Variants in NLRP1 observed in about 807,000 individuals in gnomAD.
NLRP1 encodes the protein NLR family pyrin domain containing 1.
In NLRP1, 94 loss-of-function variants were observed where a neutral mutation model predicts 136.7. The ratio of observed to expected loss-of-function variants is 0.69; its 90% CI spans 0.58 to 0.82. The LOEUF is 0.82. Ranked by LOEUF, NLRP1 falls within the 40% of genes least tolerant of loss-of-function variation. NLRP1 has a pLI of 0.00. For missense variants in NLRP1, 1,575 were observed against 1,802.7 expected, an observed-to-expected ratio of 0.87 and a Z score of 2.29; for synonymous variants, 690 against 725.1, an observed-to-expected ratio of 0.95 and a Z score of 0.78.
In NLRP1 at chr17:5,504,013, C is replaced by T. The variant is rs1199528658; in HGVS notation, c.4070-2141G>A. The stretch of plus-strand genomic sequence containing the variant: ...GGTATTTGCCTCTGGAAGAAAGATA[C>T]ACTGTCTGAGTCAATAGGAATCAGA... On this transcript the variant is annotated intron_variant, in intron 15 of 15. Transcript: ENST00000262467. The surrounding 1 kb of genome is among the most constrained non-coding windows in gnomAD (Gnocchi z 4.4). The T allele has an allele frequency of 6.6e-6, 1 of 152,276 alleles. No individual in the cohort carries two copies. The highest frequency in any genetic ancestry group is 2.4e-5 in the African/African-American group (1 of 41,430). 9.4% of individuals were successfully genotyped at this position (152,276 alleles called of 1,614,324 possible). A position where few individuals can be genotyped will look rare whatever the true frequency, so the allele number is the denominator to read the frequency against.
At chr17:5,561,426 G>GTTTTTTTTTTTTT (rs61194384) in intron 3 of NLRP1, among the ~76,000 whole-genome samples, 5 of 50,404 alleles carry the variant, frequency 9.9e-5, no homozygotes, top group African/African-American at 4.6e-4. Context: ...ATGCCATGTG[G>GTTTTTTTTTTTTT]TTTTTTTTTT....
At position 5,556,115 on chromosome 17, in the gene NLRP1, T is replaced by TACACAC. The variant is rs59028107; in HGVS notation, c.2357+2218_2357+2223dup. ...CTGTCTCTGTCTCTGTCTCTCTCTC[T>TACACAC]ACACACACACACACACACACACACA... On this transcript the variant is annotated intron_variant, in intron 4 of 16. Transcript: ENST00000572272. Among the ~76,000 whole-genome samples, 958 of 119,044 alleles carry TACACAC rather than the reference T, an allele frequency of 8.0e-3. 11 individuals are homozygous for TACACAC. Among genetic ancestry groups the TACACAC allele is most frequent in the Middle Eastern group, 0.026 (6 of 230 alleles). 78.1% of individuals were successfully genotyped at this position (119,044 alleles called of 152,430 possible).
rs1441010444 is a variant in NLRP1 at position 5,584,184 on chromosome 17, G to C, written c.-227C>G. ...GCCCAGAGGGGCCTGCAAGACACTG[G>C]AAGAAGTCAGCTGATAGGGAGGTCC... On this transcript the variant is annotated 5_prime_UTR_variant, in exon 1 of 17. Transcript: ENST00000572272. The C allele has an allele frequency of 1.8e-6, 1 of 569,078 alleles. No individual in the cohort carries two copies. Among genetic ancestry groups the C allele is most frequent in the Non-Finnish European group, 3.1e-6 (1 of 319,128 alleles). 35.3% of individuals were successfully genotyped at this position (569,078 alleles called of 1,614,324 possible). A position where few individuals can be genotyped will look rare whatever the true frequency, so the allele number is the denominator to read the frequency against.
intron 4 of NLRP1, among the ~76,000 whole-genome samples, chr17:5,553,855 CT>C (rs71856538): frequency 0.026 from 3,680 of 144,296 alleles, 83 homozygotes; most frequent in African/African-American, 0.066. Flanking sequence ...AGACATTTGT[CT>C]TTTTTTTTTT....
At chr17:5,582,639 A>G in intron 2 of NLRP1, 31 bp downstream of exon 2, 1 of 1,608,072 alleles carries the variant, frequency 6.2e-7, no homozygotes, top group Non-Finnish European at 8.5e-7. Flanking sequence ...AGCTCCACCC[A>G]GGGCTGTCAG....
intron 3 of NLRP1, among the ~76,000 whole-genome samples, chr17:5,568,666 G>C (rs1232960558): frequency 6.6e-6 from 1 of 152,098 alleles, no homozygotes; most frequent in Non-Finnish European, 1.5e-5. Context: ...AGTCTTCACT[G>C]TCCAGGCTTA....
At chr17:5,539,891 G>C (rs1297643609) in intron 6 of NLRP1, among the ~76,000 whole-genome samples, 3 of 152,040 alleles carry the variant, frequency 2.0e-5, no homozygotes, top group African/African-American at 4.8e-5. Context: ...TGTACACCTG[G>C]GTCTATCTGT....
chr17:5,522,813 A>G (rs371154197), intron 12 of NLRP1, among the ~76,000 whole-genome samples: 2 of 152,168 alleles, frequency 1.3e-5, no homozygotes, highest in African/African-American at 4.8e-5. Context: ...CCATTGAGTG[A>G]TGCTGGAAGG....
chr17:5,542,794 C>T (rs576483834), intron 5 of NLRP1, among the ~76,000 whole-genome samples: 1 of 129,824 alleles, frequency 7.7e-6, no homozygotes, highest in Non-Finnish European at 1.6e-5. Context: ...TCCCTCCTTT[C>T]TTTCTCTCTC....
At chr17:5,571,643 A>T (rs1428763095) in intron 3 of NLRP1, among the ~76,000 whole-genome samples, 15 of 152,246 alleles carry the variant, frequency 9.9e-5, no homozygotes, top group Admixed American at 9.8e-4. Context: ...ATGAATAGGA[A>T]TAATCAATAT....
Position 5,583,588 on chromosome 17 carries a change from G to A in NLRP1, c.271+99C>T. 1 of 1,238,160 alleles carries A rather than the reference G, an allele frequency of 8.1e-7. No individual in the cohort carries two copies. Among genetic ancestry groups the A allele is most frequent in the Non-Finnish European group, 1.1e-6 (1 of 899,566 alleles). The allele number at this position is 1,238,160 out of a possible 1,614,324, so 76.7% of individuals were successfully genotyped here. A position where few individuals can be genotyped will look rare whatever the true frequency, so the allele number is the denominator to read the frequency against. On this transcript the variant is annotated intron_variant, in intron 1 of 16. Coordinates refer to ENST00000572272, the MANE Select transcript of NLRP1 (RefSeq NM_033004.4). The surrounding 1 kb of genome is among the most constrained non-coding windows in gnomAD (Gnocchi z 4.5). ...GTTCCATGTCACTGCTCAGAGGAAG[G>A]CCTGGCAGGGAGGGCTCAGTGGTGG...
intron 15 of NLRP1, chr17:5,505,910 C>A (rs1451558030): frequency 1.3e-5 from 2 of 152,306 alleles, no homozygotes; most frequent in Non-Finnish European, 2.9e-5. Context: ...CTGCTCTCTA[C>A]ATATGATCTT....
intron 3 of NLRP1, among the ~76,000 whole-genome samples, chr17:5,581,098 A>G (rs1905589564): frequency 6.6e-6 from 1 of 152,218 alleles, no homozygotes; most frequent in Non-Finnish European, 1.5e-5. Context: ...TGCTGGGTGC[A>G]GAAGAAATCC....
intron 4 of NLRP1, among the ~76,000 whole-genome samples, chr17:5,555,492 T>C (rs917297080): frequency 6.6e-6 from 1 of 152,140 alleles, no homozygotes; most frequent in African/African-American, 2.4e-5. Flanking sequence ...CTCCCGCCCA[T>C]CCCAAACTCT....
intron 5 of NLRP1, among the ~76,000 whole-genome samples, chr17:5,551,569 G>C (rs1244300324): frequency 6.6e-6 from 1 of 152,130 alleles, no homozygotes; most frequent in Non-Finnish European, 1.5e-5. Flanking sequence ...GGATCCTATG[G>C]TAAAAGTATA....
At chr17:5,567,693 A>C (rs1403237255) in intron 3 of NLRP1, among the ~76,000 whole-genome samples, 1 of 152,062 alleles carries the variant, frequency 6.6e-6, no homozygotes, top group Non-Finnish European at 1.5e-5. Flanking sequence ...ATTGCTCATT[A>C]ATGTTCTTCT....
chr17:5,560,066 G>A, intron 3 of NLRP1, 23 bp from the exon 4 acceptor site: 1 of 1,526,278 alleles, frequency 6.6e-7, no homozygotes, highest in Non-Finnish European at 8.8e-7. Flanking sequence ...GGGAAAGAAG[G>A]AACATAAAGG....
intron 14 of NLRP1, among the ~76,000 whole-genome samples, chr17:5,519,548 G>A (rs1908630719): frequency 6.6e-6 from 1 of 150,750 alleles, no homozygotes; most frequent in Non-Finnish European, 1.5e-5. Flanking sequence ...CCGGGTTCAA[G>A]CAATTCTCCT....
At position 5,581,747 on chromosome 17, in the gene NLRP1, A is replaced by G. The variant is rs1431915926; in HGVS notation, c.652+112T>C. 4.5e-6 allele frequency: 4 copies of G among 891,864 alleles called. No individual in the cohort carries two copies. The African/African-American group carries it at 6.5e-5, about 15-fold the overall frequency. 55.2% of individuals were successfully genotyped at this position (891,864 alleles called of 1,614,324 possible). ...TGGGATTTCCTGAGGGAAATTTCAG[A>G]TGTTTTCCAGAACCTCTGCTTAGCC... is the stretch of plus-strand genomic sequence containing the variant. On this transcript the variant is annotated intron_variant, in intron 3 of 16. Transcript: ENST00000572272.
Sources: gnomAD v4.1 joint callset for allele counts (sites outside exome capture counted in the v4.1 genomes callset) on GRCh38, gnomAD v4.1.1 for gene constraint, Gnocchi (gnomAD v3.1) non-coding constraint, MANE v1.5 for transcripts, NCBI Gene and HGNC (gene_info 2026-07-23, HGNC 2026-07-21) for gene names.